LPIN1: variants seen among roughly 807,000 people sequenced by gnomAD.
The protein encoded by LPIN1 is lipin 1.
Under a neutral mutation model 107.5 loss-of-function variants are expected in LPIN1, and 71 were observed. The ratio of observed to expected loss-of-function variants is 0.66; its 90% CI spans 0.55 to 0.80. The LOEUF (loss-of-function observed/expected upper bound fraction) is 0.80, where lower values mean the gene tolerates loss of function less well. LPIN1 is among the 30% of genes least tolerant of loss of function. The pLI, the probability that LPIN1 is intolerant of heterozygous loss-of-function variation, is 0.00. For synonymous variants in LPIN1, 445 were observed against 452.6 expected, an observed-to-expected ratio of 0.98 and a Z score of 0.21; for missense variants, 1,043 against 1,160.6, an observed-to-expected ratio of 0.90 and a Z score of 1.47.
In LPIN1 at chr2:11,787,313, A is replaced by G. The variant is rs566544466; in HGVS notation, c.1643+146A>G. The stretch of plus-strand genomic sequence containing the variant: ...TTATTGCATTATCTTCACTGTGGTC[A>G]GGGTTCCATGCCAATAGAATTGGCA... On this transcript the variant is annotated intron_variant, in intron 11 of 20. Coordinates refer to ENST00000674199, the MANE Select transcript of LPIN1 (RefSeq NM_001349206.2). The G allele has an allele frequency of 4.8e-5, 32 of 662,390 alleles. 1 individual carries two copies. The highest frequency in any genetic ancestry group is 4.6e-4 in the South Asian group (28 of 60,896). The allele number at this position is 662,390 out of a possible 1,614,324, so 41.0% of individuals were successfully genotyped here.
intron 1 of LPIN1, chr2:11,763,084 G>A (rs1449500776): frequency 6.6e-6 from 1 of 152,236 alleles, no homozygotes; most frequent in Non-Finnish European, 1.5e-5. Context: ...CGGGAGAGGA[G>A]AAGAGAGTCT....
chr2:11,719,300 A>G (rs1322386573), intron 2 of LPIN1, among the ~76,000 whole-genome samples: 1 of 152,134 alleles, frequency 6.6e-6, no homozygotes, highest in Non-Finnish European at 1.5e-5. Context: ...TTTAGCATGA[A>G]CAGGATAAAA....
chr2:11,707,428 A>T lies in LPIN1; in HGVS notation c.82-6328A>T, dbSNP rs1663179663. 6.6e-6 allele frequency among the ~76,000 whole-genome samples: 1 copy of T among 152,222 alleles called. No individual in the cohort carries two copies. The highest frequency in any genetic ancestry group is 2.1e-4 in the South Asian group (1 of 4,828). On this transcript the variant is annotated intron_variant, in intron 1 of 21. Coordinates refer to the LPIN1 transcript ENST00000449576. This position sits in a 1 kb window ranked among gnomAD's most constrained non-coding sequence, Gnocchi z 4.2. ...AGGAGGTGAGTCCGGAACCGTGGCCAGACCCCCTGAGGCCACTGTAGGGCC... is the reference window on the plus strand; with the variant it reads ...AGGAGGTGAGTCCGGAACCGTGGCCTGACCCCCTGAGGCCACTGTAGGGCC...
intron 5 of LPIN1, among the ~76,000 whole-genome samples, chr2:11,775,015 A>G (rs1280732191): frequency 6.6e-6 from 1 of 152,156 alleles, no homozygotes; most frequent in Non-Finnish European, 1.5e-5. Flanking sequence ...ATTTCATTTG[A>G]CCACAGTATT....
chr2:11,677,718 C>G, exon 1 of LPIN1: 1 of 1,535,728 alleles, frequency 6.5e-7, no homozygotes, highest in South Asian at 1.2e-5. Context: ...CCAGACTCGG[C>G]TTGGTCATGG....
chr2:11,784,086 C>T, intron 9 of LPIN1, 164 bp downstream of exon 9: 2 of 1,213,344 alleles, frequency 1.6e-6, no homozygotes, highest in South Asian at 1.4e-5. Context: ...GGGCGGATCA[C>T]TTGAGGTCAG....
chr2:11,704,759 C>T (rs1321558913), intron 1 of LPIN1, among the ~76,000 whole-genome samples: 1 of 152,192 alleles, frequency 6.6e-6, no homozygotes, highest in East Asian at 1.9e-4. Context: ...GGTCCTCTAT[C>T]TCCCCGGGAT....
chr2:11,687,353 T>A (rs1483066019), intron 1 of LPIN1, among the ~76,000 whole-genome samples: 2 of 152,178 alleles, frequency 1.3e-5, no homozygotes, highest in Non-Finnish European at 2.9e-5. Context: ...TAGGCCTTGA[T>A]AAAGTATATA....
At chr2:11,813,042 C>T (rs1298935510) in intron 17 of LPIN1, among the ~76,000 whole-genome samples, 1 of 152,102 alleles carries the variant, frequency 6.6e-6, no homozygotes, top group African/African-American at 2.4e-5. Context: ...CTTGCAGTGC[C>T]ACTTGCAACA....
chr2:11,804,848 C>G (rs764419174), intron 16 of LPIN1, among the ~76,000 whole-genome samples: 1 of 152,106 alleles, frequency 6.6e-6, no homozygotes, highest in Non-Finnish European at 1.5e-5. Context: ...TTTGATTGAA[C>G]AAGCCGGTCA....
chr2:11,798,085 T>C (rs781408576), intron 14 of LPIN1, among the ~76,000 whole-genome samples: 6 of 152,168 alleles, frequency 3.9e-5, no homozygotes, highest in Non-Finnish European at 8.8e-5. Flanking sequence ...TTGCACTCAC[T>C]CCGTCCTGCT....
intron 14 of LPIN1, among the ~76,000 whole-genome samples, chr2:11,798,101 G>C (rs890755341): frequency 1.8e-4 from 27 of 152,198 alleles, no homozygotes; most frequent in African/African-American, 6.3e-4. Flanking sequence ...CTGCTGCCCT[G>C]TGAAGAAGGC....
intron 1 of LPIN1, among the ~76,000 whole-genome samples, chr2:11,751,308 G>A (rs1021354274): frequency 1.3e-5 from 2 of 152,206 alleles, no homozygotes; most frequent in East Asian, 3.8e-4. Context: ...CTGAGACTGA[G>A]TGGACCAGAG....
intron 17 of LPIN1, among the ~76,000 whole-genome samples, chr2:11,806,887 C>T (rs1255931362): frequency 6.6e-6 from 1 of 152,176 alleles, no homozygotes; most frequent in African/African-American, 2.4e-5. Context: ...CACATACACT[C>T]ACATTATTTA....
chr2:11,805,885 G>T (rs1029657729), intron 17 of LPIN1, among the ~76,000 whole-genome samples: 1 of 152,138 alleles, frequency 6.6e-6, no homozygotes, highest in African/African-American at 2.4e-5. Context: ...GATTCTCCAT[G>T]CCCCGCCCCT....
chr2:11,737,051 G>A (rs16855583), intron 1 of LPIN1, among the ~76,000 whole-genome samples: 5,404 of 152,294 alleles, frequency 0.035, 313 homozygotes, highest in African/African-American at 0.12. Flanking sequence ...AGGAGGGAGC[G>A]AGGTAATGTC....
rs1231042359 is a variant in LPIN1 at position 11,826,115 on chromosome 2, T to A, written c.*1324T>A. The A allele has an allele frequency of 1.3e-5, 2 of 152,678 alleles. No individual in the cohort carries two copies. Among genetic ancestry groups the A allele is most frequent in the Non-Finnish European group, 2.9e-5 (2 of 68,056 alleles). The allele number at this position is 152,678 out of a possible 1,614,324, so 9.5% of individuals were successfully genotyped here. On this transcript the variant is annotated 3_prime_UTR_variant, in exon 21 of 21. Transcript: ENST00000674199. ...GAATTATTTTGGTAAAAGATTTTGCTTTACTTTTCGAAGCATTATTTTTTT... is the reference window on the plus strand; with the variant it reads ...GAATTATTTTGGTAAAAGATTTTGCATTACTTTTCGAAGCATTATTTTTTT...
At chr2:11,810,947 C>G (rs994145090) in intron 17 of LPIN1, among the ~76,000 whole-genome samples, 8 of 150,306 alleles carry the variant, frequency 5.3e-5, no homozygotes, top group African/African-American at 1.7e-4. Flanking sequence ...ATGGATCCCT[C>G]TTTTTTTTTT....
intron 13 of LPIN1, 151 bp downstream of exon 13, chr2:11,792,157 C>T (rs1038210592): frequency 2.9e-6 from 2 of 696,686 alleles, no homozygotes; most frequent in Non-Finnish European, 5.0e-6. Context: ...AGGGCGAGTG[C>T]TCGTGGAACG....
Sources: allele counts gnomAD v4.1 joint callset (sites outside exome capture counted in the v4.1 genomes callset), GRCh38; gene constraint gnomAD v4.1.1; non-coding constraint Gnocchi (gnomAD v3.1); transcripts MANE v1.5; gene names NCBI Gene and HGNC (gene_info 2026-07-23, HGNC 2026-07-21).